Variants in EDEM3 observed in about 807,000 individuals in gnomAD.
EDEM3 encodes ER degradation enhancing alpha-mannosidase like protein 3, also known as ER degradation-enhancing alpha-mannosidase-like protein 3.
Under a neutral mutation model 110.2 loss-of-function variants are expected in EDEM3, and 60 were observed. That is an observed-to-expected ratio of 0.54 (90% CI 0.44 to 0.67). EDEM3 has a LOEUF of 0.67. EDEM3 is among the 30% of genes least tolerant of loss of function. The pLI is 0.00. For missense variants in EDEM3, 996 were observed against 1,121.0 expected, an observed-to-expected ratio of 0.89 and a Z score of 1.59; for synonymous variants, 352 against 382.9, an observed-to-expected ratio of 0.92 and a Z score of 0.94.
intron 6 of EDEM3, among the ~76,000 whole-genome samples, chr1:184,730,475 T>A: frequency 6.6e-6 from 1 of 151,986 alleles, no homozygotes; most frequent in East Asian, 1.9e-4. Flanking sequence ...TAGTCTCAGC[T>A]ACTCAGGAGG....
At chr1:184,749,617 A>T in intron 1 of EDEM3, 25 bp from the exon 2 acceptor site, 18 of 113,520 alleles carry the variant, frequency 1.6e-4, no homozygotes, top group East Asian at 7.3e-4. Flanking sequence ...GCAGAAATGG[A>T]AAAAAAAAAA....
chr1:184,733,333 C>A (rs187084852), intron 5 of EDEM3, among the ~76,000 whole-genome samples: 1 of 152,234 alleles, frequency 6.6e-6, no homozygotes, highest in East Asian at 1.9e-4. Context: ...ACCATGAAGT[C>A]TTTAACTTAG....
chr1:184,717,105 G>T, intron 12 of EDEM3, 93 bp from the exon 13 acceptor site: 1 of 1,050,430 alleles, frequency 9.5e-7, no homozygotes, highest in Non-Finnish European at 1.3e-6. Flanking sequence ...TACCTACTAG[G>T]TGCCAGGCAC....
rs769724426 is a variant in EDEM3, at chr1:184,726,309, G to T, written c.693C>A (p.Thr231=). 6.2e-7 allele frequency: 1 copy of T among 1,613,838 alleles called. No individual in the cohort carries two copies. Among genetic ancestry groups the T allele is most frequent in the South Asian group, 1.1e-5 (1 of 91,066 alleles). Residue 231 remains threonine (T), a synonymous_variant, in exon 7 of 20, where the codon ACC becomes ACA. Coordinates refer to ENST00000318130, the MANE Select transcript of EDEM3 (RefSeq NM_025191.4). Reference sequence around the variant, plus strand: ...TTAAAGCAGCAAATTCAAGGATCAAGGTACCTGCACAAGCTGTACAGGTAT... The same window carrying T: ...TTAAAGCAGCAAATTCAAGGATCAATGTACCTGCACAAGCTGTACAGGTAT... ...ETDTCTACAG[T]LILEFAALSR... is the part of the protein sequence containing the mutation.
chr1:184,744,503 G>A (rs751364198), intron 2 of EDEM3, among the ~76,000 whole-genome samples: 40 of 151,562 alleles, frequency 2.6e-4, no homozygotes, highest in Admixed American at 4.6e-4. Context: ...AGAAAAGATT[G>A]GCATTTCTTA....
In EDEM3 at chr1:184,707,639, T is replaced by C. The variant is rs1031026222; in HGVS notation, c.2037+514A>G. 3.9e-5 allele frequency among the ~76,000 whole-genome samples: 6 copies of C among 152,216 alleles called. No homozygotes were observed. In the East Asian group the frequency reaches 9.6e-4, roughly 24 times the overall value. On this transcript the variant is annotated intron_variant, in intron 17 of 19. Transcript: ENST00000318130. ...CTGCAATCAATTAGTTAGATAACTT[T>C]GTGAATTGCTTAGTTATGTAAGTCT...
At chr1:184,748,425 G>A (rs1478507636) in intron 2 of EDEM3, among the ~76,000 whole-genome samples, 3 of 151,124 alleles carry the variant, frequency 2.0e-5, no homozygotes, top group African/African-American at 7.3e-5. Flanking sequence ...CCACAGCCTG[G>A]GCGACAGAGC....
intron 4 of EDEM3, among the ~76,000 whole-genome samples, chr1:184,735,791 T>C (rs188473752): frequency 1.2e-3 from 181 of 152,312 alleles, no homozygotes; most frequent in Admixed American, 3.7e-3. Context: ...ACTTTTGGAA[T>C]GAGACATAAC....
intron 6 of EDEM3, among the ~76,000 whole-genome samples, chr1:184,729,210 G>A (rs1028221741): frequency 6.6e-6 from 1 of 152,096 alleles, no homozygotes; most frequent in African/African-American, 2.4e-5. Context: ...TAAAGCATGA[G>A]GCAATCTAGA....
intron 6 of EDEM3, among the ~76,000 whole-genome samples, chr1:184,727,707 C>G (rs1651266813): frequency 6.6e-6 from 1 of 152,148 alleles, no homozygotes; most frequent in Non-Finnish European, 1.5e-5. Context: ...ATTTATCTTA[C>G]TTTGTAAAGT....
At chr1:184,752,631 A>G (rs544927600) in intron 1 of EDEM3, among the ~76,000 whole-genome samples, 35 of 152,370 alleles carry the variant, frequency 2.3e-4, no homozygotes, top group African/African-American at 7.9e-4. Flanking sequence ...GATTTATCCA[A>G]TGACTCTTTT....
At chr1:184,736,581 A>G (rs1005118815) in intron 4 of EDEM3, among the ~76,000 whole-genome samples, 3 of 152,188 alleles carry the variant, frequency 2.0e-5, no homozygotes, top group African/African-American at 7.2e-5. Flanking sequence ...AGGAGTACCA[A>G]GAAGTGATCA....
chr1:184,754,128 G>A (rs748698084), intron 1 of EDEM3, among the ~76,000 whole-genome samples: 1 of 152,202 alleles, frequency 6.6e-6, no homozygotes, highest in Admixed American at 6.5e-5. Flanking sequence ...GCGCGAGAAA[G>A]CTAACCATGC....
intron 18 of EDEM3, among the ~76,000 whole-genome samples, chr1:184,705,024 T>C (rs1423938559): frequency 6.6e-6 from 1 of 152,074 alleles, no homozygotes; most frequent in Non-Finnish European, 1.5e-5. Context: ...TGAGCCAAGA[T>C]CACGCCACTG....
chr1:184,743,351 C>T (rs144981613), intron 2 of EDEM3, among the ~76,000 whole-genome samples: 191 of 151,994 alleles, frequency 1.3e-3, no homozygotes, highest in African/African-American at 4.1e-3. Flanking sequence ...TTGAGGGATA[C>T]GTAATTCATA....
chr1:184,723,279 C>T (rs1651001751), intron 8 of EDEM3, among the ~76,000 whole-genome samples: 1 of 151,920 alleles, frequency 6.6e-6, no homozygotes, highest in Admixed American at 6.6e-5. Context: ...TTAATATGCC[C>T]ACTTTACAGA....
Position 184,691,927 on chromosome 1 carries a change from G to C in EDEM3, c.*2136C>G, listed in dbSNP as rs1649081034. On this transcript the variant is annotated 3_prime_UTR_variant, in exon 20 of 20. Transcript: ENST00000318130. ...CCTCCCTCTAATGGCCAAAGGAAGA[G>C]AGTGGCAGTAAGCTGGCTTTTCCAA... 1 of 152,094 alleles carries C rather than the reference G, an allele frequency of 6.6e-6. No homozygotes were observed. Among genetic ancestry groups the C allele is most frequent in the African/African-American group, 2.4e-5 (1 of 41,436 alleles). 9.4% of individuals were successfully genotyped at this position (152,094 alleles called of 1,614,324 possible).
In EDEM3 at chr1:184,726,245, A is replaced by G. The variant is rs749787543; in HGVS notation, c.747+10T>C. On this transcript the variant is annotated intron_variant, in intron 7 of 19. Coordinates refer to ENST00000318130, the MANE Select transcript of EDEM3 (RefSeq NM_025191.4). ...AATACCCAGGATATCAAAGACCGTA[A>G]AAAGCAAACCTCAAATATTGTTGCT... 2 of 1,612,682 alleles carry G rather than the reference A, an allele frequency of 1.2e-6. No individual in the cohort carries two copies. The highest frequency in any genetic ancestry group is 1.7e-4 in the Middle Eastern group (1 of 6,056).
At chr1:184,698,346 A>G (rs1002928594) in intron 19 of EDEM3, among the ~76,000 whole-genome samples, 2 of 151,864 alleles carry the variant, frequency 1.3e-5, no homozygotes, top group African/African-American at 4.8e-5. Context: ...ACCATTGTAT[A>G]CAGTGGCAAA....
Sources: gnomAD v4.1 joint callset for allele counts (sites outside exome capture counted in the v4.1 genomes callset) on GRCh38, gnomAD v4.1.1 for gene constraint, MANE v1.5 for transcripts, NCBI Gene and HGNC (gene_info 2026-07-23, HGNC 2026-07-21) for gene names.